CAPS2: variants seen among roughly 807,000 people sequenced by gnomAD.
The protein encoded by CAPS2 is calcyphosine 2.
In CAPS2, 98 loss-of-function variants were observed where a neutral mutation model predicts 86.5. The observed-to-expected ratio is 1.13, with a 90% confidence interval of 0.96 to 1.34. CAPS2 has a LOEUF of 1.34. Among genes scored for constraint, CAPS2 ranks in the 40% most tolerant of loss-of-function variants. The pLI, the probability that CAPS2 is intolerant of heterozygous loss-of-function variation, is 0.00. For missense variants in CAPS2, 729 were observed against 686.8 expected, an observed-to-expected ratio of 1.06 and a Z score of -0.69; for synonymous variants, 210 against 225.1, an observed-to-expected ratio of 0.93 and a Z score of 0.60.
At chr12:75,291,650 T>A in intron 13 of CAPS2, 94 bp downstream of exon 13, 1 of 299,060 alleles carries the variant, frequency 3.3e-6, no homozygotes, top group Non-Finnish European at 6.3e-6. Context: ...ATAAATCAAG[T>A]GCCACTGAGA....
At chr12:75,305,573 G>C (rs1172895004) in intron 7 of CAPS2, 1 of 632,198 alleles carries the variant, frequency 1.6e-6, no homozygotes, top group Non-Finnish European at 3.0e-6. Context: ...GAGCCGCAGA[G>C]CCCTCCTCCA....
chr12:75,367,154 G>C (rs2044025295), intron 1 of CAPS2: 6 of 625,084 alleles, frequency 9.6e-6, no homozygotes, highest in Non-Finnish European at 8.6e-6. Flanking sequence ...AAACCAAATA[G>C]GGTACCCAAA....
chr12:75,306,383 A>T, intron 7 of CAPS2: 152 of 366,746 alleles, frequency 4.1e-4, no homozygotes, highest in Non-Finnish European at 6.6e-4. Flanking sequence ...AGGCCGGTGA[A>T]TGGTTTCTGA....
At chr12:75,385,570 C>A (rs543346430) in intron 1 of CAPS2, among the ~76,000 whole-genome samples, 1 of 152,314 alleles carries the variant, frequency 6.6e-6, no homozygotes, top group South Asian at 2.1e-4. Context: ...ATGCCCCTCT[C>A]ATCACTGCTC....
intron 1 of CAPS2, among the ~76,000 whole-genome samples, chr12:75,366,616 T>C (rs900027449): frequency 6.6e-6 from 1 of 151,812 alleles, no homozygotes; most frequent in African/African-American, 2.4e-5. Context: ...ATCATTCTTG[T>C]CTTTCCTCTT....
chr12:75,330,911 A>G (rs1334649663), upstream of CAPS2, among the ~76,000 whole-genome samples: 1 of 151,744 alleles, frequency 6.6e-6, no homozygotes, highest in Non-Finnish European at 1.5e-5. Context: ...CAGCCTCCCA[A>G]GTAGTTGGGA....
At chr12:75,343,927 C>A in intron 1 of CAPS2, 1 of 1,606,692 alleles carries the variant, frequency 6.2e-7, no homozygotes, top group Middle Eastern at 1.8e-4. Context: ...AGTCTGTGGC[C>A]ATTATACACA....
upstream of CAPS2, among the ~76,000 whole-genome samples, chr12:75,331,843 G>A (rs765569907): frequency 5.9e-5 from 9 of 152,064 alleles, no homozygotes; most frequent in Non-Finnish European, 1.2e-4. Flanking sequence ...GATTACAGGC[G>A]TGAGCCACCG....
At chr12:75,368,395 C>T (rs1156407918) in intron 1 of CAPS2, among the ~76,000 whole-genome samples, 2 of 150,986 alleles carry the variant, frequency 1.3e-5, no homozygotes, top group African/African-American at 4.9e-5. Context: ...ACTAATGCTA[C>T]TTCTTTTCTT....
chr12:75,316,150 A>G, intron 6 of CAPS2, 162 bp downstream of exon 6: 1 of 929,678 alleles, frequency 1.1e-6, no homozygotes, highest in Middle Eastern at 3.5e-4. Flanking sequence ...ACCAAATACA[A>G]TTCAATCATT....
At chr12:75,372,952 T>C (rs2044453206) in intron 1 of CAPS2, among the ~76,000 whole-genome samples, 1 of 152,200 alleles carries the variant, frequency 6.6e-6, no homozygotes, top group Non-Finnish European at 1.5e-5. Flanking sequence ...TGTTTGCAGA[T>C]AGGCAAACCC....
At chr12:75,336,270 A>G (rs1170419088) in intron 1 of CAPS2, among the ~76,000 whole-genome samples, 1 of 151,914 alleles carries the variant, frequency 6.6e-6, no homozygotes, top group Non-Finnish European at 1.5e-5. Flanking sequence ...AATTTTTGGA[A>G]AACAGGAACA....
At chr12:75,365,310 CA>C (rs2043890732) in intron 1 of CAPS2, 3 of 151,776 alleles carry the variant, frequency 2.0e-5, no homozygotes, top group Admixed American at 2.0e-4. Context: ...AATAATTTGA[CA>C]ATTAAAAAAG....
At chr12:75,277,702 A>C (rs1431709900) in exon 17 of CAPS2, 7 of 895,974 alleles carry the variant, frequency 7.8e-6, no homozygotes, top group Non-Finnish European at 9.4e-6. Context: ...AGATGGATAC[A>C]GTGATATGTC....
At position 75,301,948 on chromosome 12, in the gene CAPS2, G is replaced by A. The variant is rs2138595256; in HGVS notation, c.780-2037C>T. Among the ~76,000 whole-genome samples, 2 of 152,256 alleles carry A rather than the reference G, an allele frequency of 1.3e-5. 1 individual carries two copies. The highest frequency in any genetic ancestry group is 4.1e-4 in the South Asian group (2 of 4,822). ...AAAGTATGAATTTAGTATTGATAAA[G>A]CTACTAGAAACCATGGCTTAGGTAT... On this transcript the variant is annotated intron_variant, in intron 8 of 16. Coordinates refer to ENST00000393284, the Ensembl canonical transcript of CAPS2.
chr12:75,294,089 G>C (rs971896194), intron 11 of CAPS2, among the ~76,000 whole-genome samples: 2 of 151,944 alleles, frequency 1.3e-5, no homozygotes, highest in Non-Finnish European at 2.9e-5. Context: ...CCACCACCAC[G>C]CCCGGCTGGT....
chr12:75,315,644 T>C (rs1055310782), intron 6 of CAPS2, among the ~76,000 whole-genome samples: 3 of 152,196 alleles, frequency 2.0e-5, no homozygotes, highest in African/African-American at 7.2e-5. Context: ...CTATTTATGC[T>C]ATTGAAACCA....
At chr12:75,308,329 A>T (rs1462153805) in intron 7 of CAPS2, among the ~76,000 whole-genome samples, 1 of 152,184 alleles carries the variant, frequency 6.6e-6, no homozygotes, top group African/African-American at 2.4e-5. Context: ...GTATGTATGT[A>T]TTTGTCATTA....
At chr12:75,330,518 GAGA>G (rs1393382071), upstream of CAPS2, among the ~76,000 whole-genome samples, 6 of 152,206 alleles carry the variant, frequency 3.9e-5, no homozygotes, top group African/African-American at 1.4e-4. Flanking sequence ...ACGTTTTGAG[GAGA>G]AGAAATTTAA....
Sources: allele counts gnomAD v4.1 joint callset (sites outside exome capture counted in the v4.1 genomes callset), GRCh38; gene constraint gnomAD v4.1.1; transcripts MANE v1.5; gene names NCBI Gene and HGNC (gene_info 2026-07-23, HGNC 2026-07-21).